Variants in THADA observed in about 807,000 individuals in gnomAD.
The protein encoded by THADA is tRNA (32-2'-O)-methyltransferase regulator THADA.
A neutral mutation model predicts 219.8 loss-of-function variants in THADA; 213 were observed. The observed-to-expected ratio is 0.97, with a 90% CI of 0.87 to 1.09. THADA has a LOEUF of 1.09. Ranked by LOEUF, THADA falls within the 50% of genes least tolerant of loss-of-function variation. THADA has a pLI of 0.00. For missense variants in THADA, 2,956 were observed against 2,311.3 expected, an observed-to-expected ratio of 1.28 and a Z score of -5.72; for synonymous variants, 1,018 against 828.9, an observed-to-expected ratio of 1.23 and a Z score of -3.92.
intron 34 of THADA, 78 bp downstream of exon 34, chr2:43,291,618 T>C: frequency 1.7e-6 from 2 of 1,142,960 alleles, no homozygotes; most frequent in Non-Finnish European, 2.4e-6. Flanking sequence ...GCTAAGACTG[T>C]TCACTTTTAC....
chr2:43,264,931 C>A (rs1671352619), intron 36 of THADA, among the ~76,000 whole-genome samples: 1 of 152,218 alleles, frequency 6.6e-6, no homozygotes, highest in African/African-American at 2.4e-5. Context: ...TCCCTAAGTA[C>A]CGTGCTGCAC....
chr2:43,418,453 T>C (rs982324048), intron 28 of THADA, among the ~76,000 whole-genome samples: 9 of 151,988 alleles, frequency 5.9e-5, no homozygotes, highest in African/African-American at 2.2e-4. Flanking sequence ...TTCTGATATG[T>C]TTCCCTTAAA....
intron 34 of THADA, among the ~76,000 whole-genome samples, chr2:43,288,346 G>C (rs988594500): frequency 6.6e-6 from 1 of 152,204 alleles, no homozygotes; most frequent in Admixed American, 6.5e-5. Context: ...TGAAGCCAGG[G>C]GGCGGAGGCT....
At chr2:43,266,384 G>A (rs1355900559) in intron 36 of THADA, among the ~76,000 whole-genome samples, 1 of 152,194 alleles carries the variant, frequency 6.6e-6, no homozygotes, top group Admixed American at 6.5e-5. Flanking sequence ...AAGGTCAGGA[G>A]ATCCAGACCA....
chr2:43,516,345 G>A (rs1269977975), intron 22 of THADA, among the ~76,000 whole-genome samples: 1 of 152,066 alleles, frequency 6.6e-6, no homozygotes, highest in African/African-American at 2.4e-5. Flanking sequence ...AGGCTGTCTA[G>A]TCCTCACAAC....
intron 22 of THADA, among the ~76,000 whole-genome samples, chr2:43,524,944 G>A (rs918531072): frequency 1.3e-5 from 2 of 152,012 alleles, no homozygotes; most frequent in African/African-American, 2.4e-5. Flanking sequence ...TTCCTTTCAT[G>A]CTCTCCACCA....
At chr2:43,472,538 G>A (rs1685023367) in intron 26 of THADA, among the ~76,000 whole-genome samples, 1 of 152,212 alleles carries the variant, frequency 6.6e-6, no homozygotes, top group East Asian at 1.9e-4. Flanking sequence ...TGAAAGAGAT[G>A]GAGATGATGA....
chr2:43,327,127 T>C (rs1679424641), intron 30 of THADA, among the ~76,000 whole-genome samples: 1 of 152,008 alleles, frequency 6.6e-6, no homozygotes, highest in Non-Finnish European at 1.5e-5. Context: ...ATGATTGTCA[T>C]GGAGGAAGGC....
chr2:43,572,129 C>G (rs1235801066), intron 12 of THADA, among the ~76,000 whole-genome samples: 2 of 152,064 alleles, frequency 1.3e-5, no homozygotes, highest in African/African-American at 4.8e-5. Flanking sequence ...ATTCCTTTTT[C>G]TTTTTTTCCA....
chr2:43,364,213 A>C (rs1669863065), intron 29 of THADA, among the ~76,000 whole-genome samples: 1 of 152,188 alleles, frequency 6.6e-6, no homozygotes, highest in African/African-American at 2.4e-5. Flanking sequence ...ACAGGACCAG[A>C]CCTTGTCTCA....
intron 28 of THADA, among the ~76,000 whole-genome samples, chr2:43,402,089 T>C (rs546999947): frequency 1.3e-5 from 2 of 152,264 alleles, no homozygotes; most frequent in Admixed American, 1.3e-4. Context: ...TCCAAAACCC[T>C]TGTGGGGGGA....
rs934743039 is a variant in THADA, at chr2:43,595,969, T to C, written c.-63A>G. The C allele has an allele frequency of 6.6e-6, 1 of 152,290 alleles. No homozygotes were observed. Among genetic ancestry groups the C allele is most frequent in the African/African-American group, 2.4e-5 (1 of 41,438 alleles). The allele number at this position is 152,290 out of a possible 1,614,324, so 9.4% of individuals were successfully genotyped here. Reference sequence around the variant, plus strand: ...GCGTCTGAGAAGAGTCGCAGGCGCCTGGTCCAGTCCCGGAAGCAGGTCTCC... The same window carrying C: ...GCGTCTGAGAAGAGTCGCAGGCGCCCGGTCCAGTCCCGGAAGCAGGTCTCC... On this transcript the variant is annotated 5_prime_UTR_variant, in exon 1 of 38. Coordinates refer to ENST00000405975, the MANE Select transcript of THADA (RefSeq NM_022065.5).
chr2:43,444,328 A>G (rs374133461), intron 26 of THADA, among the ~76,000 whole-genome samples: 2 of 152,150 alleles, frequency 1.3e-5, no homozygotes, highest in African/African-American at 4.8e-5. Flanking sequence ...CCTGTGTGTG[A>G]ACATTTGTCT....
chr2:43,535,168 C>CTTTTTTTTTTTT (rs549879408), intron 21 of THADA, among the ~76,000 whole-genome samples: 7 of 52,542 alleles, frequency 1.3e-4, no homozygotes, highest in Admixed American at 2.3e-4. Flanking sequence ...ATCATTTGTC[C>CTTTTTTTTTTTT]TTTTTTTTTT....
intron 28 of THADA, among the ~76,000 whole-genome samples, chr2:43,426,486 T>C (rs909469947): frequency 1.3e-5 from 2 of 152,236 alleles, no homozygotes; most frequent in African/African-American, 2.4e-5. Context: ...AAGAACAATT[T>C]TTAAGGCCCC....
chr2:43,481,768 A>T (rs1686259623), intron 26 of THADA, among the ~76,000 whole-genome samples: 1 of 152,202 alleles, frequency 6.6e-6, no homozygotes, highest in South Asian at 2.1e-4. Context: ...TCAAATTCTC[A>T]TTGGCTCACT....
chr2:43,422,032 G>C (rs1049789568), intron 28 of THADA, among the ~76,000 whole-genome samples: 13 of 152,192 alleles, frequency 8.5e-5, no homozygotes, highest in African/African-American at 3.1e-4. Flanking sequence ...AATAAGGCAT[G>C]CCAAACAGAT....
chr2:43,457,996 CA>C (rs779255867), intron 26 of THADA, among the ~76,000 whole-genome samples: 1 of 151,824 alleles, frequency 6.6e-6, no homozygotes, highest in African/African-American at 2.4e-5. Flanking sequence ...TACCTCTCGA[CA>C]AAAAACAAAA....
chr2:43,409,538 A>G (rs1239982405), intron 28 of THADA, among the ~76,000 whole-genome samples: 1 of 152,120 alleles, frequency 6.6e-6, no homozygotes, highest in Non-Finnish European at 1.5e-5. Context: ...ACCCCTGAGA[A>G]AGTCTGACAT....
Sources: allele counts gnomAD v4.1 joint callset (sites outside exome capture counted in the v4.1 genomes callset), GRCh38; gene constraint gnomAD v4.1.1; transcripts MANE v1.5; gene names NCBI Gene and HGNC (gene_info 2026-07-23, HGNC 2026-07-21).